Variants in TTBK1 observed in about 807,000 individuals in gnomAD.
The protein encoded by TTBK1 is tau-tubulin kinase 1.
TTBK1 carries 34 observed loss-of-function variants against 108.5 expected under a neutral mutation model. The ratio of observed to expected loss-of-function variants is 0.31; its 90% CI spans 0.24 to 0.42. TTBK1 has a LOEUF of 0.42. TTBK1 is among the 10% of genes least tolerant of loss of function. TTBK1 has a pLI of 1.00. For missense variants in TTBK1, 1,539 were observed against 1,826.0 expected (o/e 0.84, Z 2.86); for synonymous variants, 809 against 795.1 (o/e 1.02, Z -0.29).
chr6:43,257,896 G>A lies in TTBK1; in HGVS notation c.946G>A (p.Asp316Asn), dbSNP rs140115762. 82 of 1,613,882 alleles carry A rather than the reference G, an allele frequency of 5.1e-5. No homozygotes were observed. Among genetic ancestry groups the A allele is most frequent in the Non-Finnish European group, 6.4e-5 (76 of 1,180,026 alleles). The stretch of plus-strand genomic sequence containing the variant: ...CTTTGACTGGGAGAAGGCAGGCACC[G>A]ATGCCCTCCTGTCCACGAGCACCTC... ...EAFDWEKAGTDALLSTSTSTP... is the reference protein window; with the variant it reads ...EAFDWEKAGTNALLSTSTSTP... Residue 316 changes from aspartate to asparagine, a missense_variant, in exon 10 of 15, where the codon GAT becomes AAT. Physicochemically the swap from Asp to Asn is conservative, Grantham distance 23. Transcript: ENST00000259750. The surrounding 1 kb of genome is among the most constrained non-coding windows in gnomAD (Gnocchi z 4.5).
intron 10 of TTBK1, among the ~76,000 whole-genome samples, chr6:43,258,187 C>A (rs973466656): frequency 6.6e-6 from 1 of 152,062 alleles, no homozygotes; most frequent in African/African-American, 2.4e-5. Context: ...TTAGTGGGTC[C>A]CTGGGGGAGC....
intron 13 of TTBK1, chr6:43,270,693 C>G: frequency 1.0e-6 from 1 of 985,370 alleles, no homozygotes; most frequent in Non-Finnish European, 1.2e-6. Context: ...GGGTGTCTGT[C>G]CTCGGCTCCT....
chr6:43,285,314 G>T lies in TTBK1; in HGVS notation c.3904G>T (p.Ala1302Ser). 5 of 1,294,574 alleles carry T rather than the reference G, an allele frequency of 3.9e-6. No individual in the cohort carries two copies. Among genetic ancestry groups the T allele is most frequent in the Admixed American group, 8.4e-5 (2 of 23,932 alleles). 80.2% of individuals were successfully genotyped at this position (1,294,574 alleles called of 1,614,324 possible). ...GAAAGGACCCAGAGGGAAACTCCAG[G>T]CTCAGCGCGCAACAACCAAAGGCCG... ...SKKGPRGKLQ[A>S]QRATTKGRAG... The change falls in exon 15 of 15, where the codon GCT (alanine) becomes TCT (serine). Residue 1302 changes from alanine (A) to serine (S), a missense_variant. This residue lies in a region of TTBK1 where 1,055 missense variants were observed against 1,086.5 expected (regional missense o/e 0.97). Transcript: ENST00000259750. This position sits in a 1 kb window ranked among gnomAD's most constrained non-coding sequence, Gnocchi z 4.7.
chr6:43,254,103 T>C (rs1017094554), intron 5 of TTBK1, among the ~76,000 whole-genome samples: 4 of 152,154 alleles, frequency 2.6e-5, no homozygotes, highest in Non-Finnish European at 4.4e-5. Flanking sequence ...TCTTGAATAT[T>C]TGTGCTAGGA....
In TTBK1 at chr6:43,284,254, C is replaced by T; in HGVS notation, c.3514C>T (p.Gln1172Ter). 1 of 1,593,212 alleles carries T rather than the reference C, an allele frequency of 6.3e-7. No homozygotes were observed. Among genetic ancestry groups the T allele is most frequent in the South Asian group, 1.1e-5 (1 of 90,520 alleles). Residue 1172 changes from glutamine (Q) to a stop codon, truncating the protein, a stop_gained, in exon 14 of 15, where the codon CAG (glutamine) becomes TAG (stop). Coordinates refer to ENST00000259750, the MANE Select transcript of TTBK1 (RefSeq NM_032538.3). LOFTEE classifies it high-confidence loss of function. ...CATGCCCATGCCTGTTGCAGCCCAG[C>T]AGCCCGCCAGCAGATCCCATGGCGC... is the stretch of plus-strand genomic sequence containing the variant. ...LRMPMPVAAQ[Q>*]PASRSHGAAP...
intron 1 of TTBK1, among the ~76,000 whole-genome samples, chr6:43,245,864 A>G (rs1777071944): frequency 1.3e-5 from 2 of 151,800 alleles, no homozygotes; most frequent in South Asian, 4.2e-4. Context: ...TGTCCTCCCC[A>G]GTTCAGCCCA....
chr6:43,247,506 G>T (rs534637330), intron 2 of TTBK1, among the ~76,000 whole-genome samples: 12 of 152,250 alleles, frequency 7.9e-5, no homozygotes, highest in African/African-American at 2.4e-4. Context: ...TATTGTGGGG[G>T]CAGGATAATG....
rs575811068 is a variant in TTBK1, at chr6:43,266,808, G to A, written c.1986+3458G>A. 1.4e-4 allele frequency among the ~76,000 whole-genome samples: 21 copies of A among 152,036 alleles called. No homozygotes were observed. The South Asian group carries it at 2.3e-3, about 17-fold the overall frequency. On this transcript the variant is annotated intron_variant, in intron 13 of 14. Coordinates refer to ENST00000259750, the MANE Select transcript of TTBK1 (RefSeq NM_032538.3). ...CTAATTTTGTATTTTTAGTAGAGAC[G>A]GGGTTTCTCCATGTTGAGGCTGGTC...
rs374780204 is a variant in TTBK1, at chr6:43,283,783, C to A, written c.3043C>A (p.Pro1015Thr). ...TPSEMATNSL[P>T]NGPALADGPA... Reference sequence around the variant, plus strand: ...CTCAGAGATGGCCACAAACTCACTGCCCAATGGCCCGGCCCTTGCAGACGG... The same window carrying A: ...CTCAGAGATGGCCACAAACTCACTGACCAATGGCCCGGCCCTTGCAGACGG... Residue 1015 changes from proline (P) to threonine (T), a missense_variant, in exon 14 of 15, where the codon CCC becomes ACC. Around this residue, in one of 5 missense-constraint regions of TTBK1, gnomAD observed 1,055 missense variants for 1,086.5 expected, o/e 0.97. Coordinates refer to ENST00000259750, the MANE Select transcript of TTBK1 (RefSeq NM_032538.3). This position sits in a 1 kb window ranked among gnomAD's most constrained non-coding sequence, Gnocchi z 8.1. 71 of 1,613,604 alleles carry A rather than the reference C, an allele frequency of 4.4e-5. No individual in the cohort carries two copies. The highest frequency in any genetic ancestry group is 2.1e-4 in the African/African-American group (16 of 74,920).
chr6:43,247,611 A>G (rs1777128676), intron 2 of TTBK1, among the ~76,000 whole-genome samples: 1 of 151,966 alleles, frequency 6.6e-6, no homozygotes, highest in African/African-American at 2.4e-5. Flanking sequence ...AGGGAGAACA[A>G]CAGAGGTCAG....
intron 2 of TTBK1, among the ~76,000 whole-genome samples, 184 bp downstream of exon 2, chr6:43,246,952 T>G (rs1487745095): frequency 3.3e-5 from 5 of 152,104 alleles, no homozygotes; most frequent in Admixed American, 3.3e-4. Flanking sequence ...TTTCTCCCAG[T>G]GCCCTCTCTC....
rs1778180769 is a variant in TTBK1 at position 43,282,115 on chromosome 6, T to G, written c.1987-612T>G. Among the ~76,000 whole-genome samples the G allele has an allele frequency of 6.6e-6, 1 of 152,144 alleles. No homozygotes were observed. The highest frequency in any genetic ancestry group is 1.5e-5 in the Non-Finnish European group (1 of 68,008). On this transcript the variant is annotated intron_variant, in intron 13 of 14. Coordinates refer to ENST00000259750, the MANE Select transcript of TTBK1 (RefSeq NM_032538.3). This position sits in a 1 kb window ranked among gnomAD's most constrained non-coding sequence, Gnocchi z 5.4. ...AGGTCGAGGGGCCCAGCCTGCACTT[T>G]TAAGGGTAGAGGACAGCCCCGCCTT...
chr6:43,269,487 C>A lies in TTBK1; in HGVS notation c.1986+6137C>A, dbSNP rs1467873202. ...TAGATTCTGAGGCAGGACCTTGGGG[C>A]GGGTGGTTTGCACCCTCCTCCACCC... On this transcript the variant is annotated intron_variant, in intron 13 of 14. Transcript: ENST00000259750. The surrounding 1 kb of genome is among the most constrained non-coding windows in gnomAD (Gnocchi z 4.8). Among the ~76,000 whole-genome samples, 1 of 152,276 alleles carries A rather than the reference C, an allele frequency of 6.6e-6. No homozygotes were observed. Among genetic ancestry groups the A allele is most frequent in the African/African-American group, 2.4e-5 (1 of 41,562 alleles).
Position 43,282,547 on chromosome 6 carries a change from A to C in TTBK1, c.1987-180A>C, listed in dbSNP as rs746481254. On this transcript the variant is annotated intron_variant, in intron 13 of 14. Coordinates refer to ENST00000259750, the MANE Select transcript of TTBK1 (RefSeq NM_032538.3). This position sits in a 1 kb window ranked among gnomAD's most constrained non-coding sequence, Gnocchi z 5.4. ...CTCACTAGGCGCCAGAGACCATTCT[A>C]GGCCCTGGGGACAGAGCAGTGAACA... Among the ~76,000 whole-genome samples the C allele has an allele frequency of 5.9e-5, 9 of 152,112 alleles. No homozygotes were observed. The highest frequency in any genetic ancestry group is 5.9e-4 in the Admixed American group (9 of 15,284).
At chr6:43,281,926 G>A (rs533576950) in intron 13 of TTBK1, among the ~76,000 whole-genome samples, 1 of 152,318 alleles carries the variant, frequency 6.6e-6, no homozygotes, top group East Asian at 1.9e-4. Flanking sequence ...TAGTCTGGAA[G>A]GAAGGAGGCT....
rs1248683837 is a variant in TTBK1 at position 43,257,467 on chromosome 6, G to GGCGGCAGTCTGTGCAGAT, written c.862-343_862-342insGGCAGTCTGTGCAGATGC. 6.6e-6 allele frequency among the ~76,000 whole-genome samples: 1 copy of GGCGGCAGTCTGTGCAGAT among 152,146 alleles called. No individual in the cohort carries two copies. The highest frequency in any genetic ancestry group is 6.5e-5 in the Admixed American group (1 of 15,284). The stretch of plus-strand genomic sequence containing the variant: ...CCAGCAGAGGGGCAGTCTGTGCAGA[G>GGCGGCAGTCTGTGCAGAT]GCAGCACCCCATGCATGGGTTTGGA... On this transcript the variant is annotated intron_variant, in intron 9 of 14. Coordinates refer to ENST00000259750, the MANE Select transcript of TTBK1 (RefSeq NM_032538.3). The surrounding 1 kb of genome is among the most constrained non-coding windows in gnomAD (Gnocchi z 4.5).
Position 43,269,477 on chromosome 6 carries a change from G to T in TTBK1, c.1986+6127G>T, listed in dbSNP as rs563325686. Reference sequence around the variant, plus strand: ...GGCCAGAGCCTAGATTCTGAGGCAGGACCTTGGGGCGGGTGGTTTGCACCC... The same window carrying T: ...GGCCAGAGCCTAGATTCTGAGGCAGTACCTTGGGGCGGGTGGTTTGCACCC... On this transcript the variant is annotated intron_variant, in intron 13 of 14. Transcript: ENST00000259750. This position sits in a 1 kb window ranked among gnomAD's most constrained non-coding sequence, Gnocchi z 4.8. Among the ~76,000 whole-genome samples the T allele has an allele frequency of 5.8e-4, 88 of 152,310 alleles. No individual in the cohort carries two copies. Among genetic ancestry groups the T allele is most frequent in the Non-Finnish European group, 1.1e-3 (74 of 68,014 alleles).
rs1273188135 is a variant in TTBK1, at chr6:43,259,189, C to T, written c.1168C>T (p.Pro390Ser). The T allele has an allele frequency of 6.2e-7, 1 of 1,608,270 alleles. No homozygotes were observed. Among genetic ancestry groups the T allele is most frequent in the Middle Eastern group, 1.7e-4 (1 of 6,010 alleles). Residue 390 changes from proline to serine, a missense_variant, in exon 11 of 15, where the codon CCC (proline) becomes TCC (serine). Coordinates refer to ENST00000259750, the MANE Select transcript of TTBK1 (RefSeq NM_032538.3). The surrounding 1 kb of genome is among the most constrained non-coding windows in gnomAD (Gnocchi z 6.7). ...GCTGGGCCCCAGTCCCCACCTTGTC[C>T]CCCACCCCGGGGGTCCTGAGGCTGA... is the stretch of plus-strand genomic sequence containing the variant. ...EGLGPSPHLV[P>S]HPGGPEAEVW... is the part of the protein sequence containing the mutation.
At chr6:43,244,026 C>T (rs1279079472) in intron 1 of TTBK1, among the ~76,000 whole-genome samples, 2 of 152,092 alleles carry the variant, frequency 1.3e-5, no homozygotes, top group African/African-American at 4.8e-5. Context: ...CGGCTGTCTC[C>T]GTAACCTCCC....
Sources: allele counts gnomAD v4.1 joint callset (sites outside exome capture counted in the v4.1 genomes callset), GRCh38; gene constraint gnomAD v4.1.1; regional missense constraint gnomAD v4.1.1; non-coding constraint Gnocchi (gnomAD v3.1); transcripts MANE v1.5; gene names NCBI Gene and HGNC (gene_info 2026-07-23, HGNC 2026-07-21).